EGLN3: variants seen among roughly 807,000 people sequenced by gnomAD.
The protein encoded by EGLN3 is prolyl hydroxylase EGLN3.
A neutral mutation model predicts 26.0 loss-of-function variants in EGLN3; 15 were observed. The observed-to-expected ratio is 0.58, with a 90% CI of 0.39 to 0.89. The LOEUF is 0.89. Ranked by LOEUF, EGLN3 falls within the 40% of genes least tolerant of loss-of-function variation. EGLN3 has a pLI of 0.00. For missense variants in EGLN3, 238 were observed against 311.6 expected (o/e 0.76, Z 1.78); for synonymous variants, 147 against 127.2 (o/e 1.16, Z -1.05).
rs117413493 is a variant in EGLN3 at position 33,935,289 on chromosome 14, T to A, written c.358-4074A>T. ...TGTTTGTCTTCCCCTCAACTGAAGC[T>A]GTAGAACGTCTCTTCTTCAGAGACC... On this transcript the variant is annotated intron_variant, in intron 1 of 4. Coordinates refer to ENST00000250457, the MANE Select transcript of EGLN3 (RefSeq NM_022073.4). Among the ~76,000 whole-genome samples the A allele has an allele frequency of 9.8e-5, 15 of 152,328 alleles. No homozygotes were observed. The East Asian group carries it at 2.7e-3, about 27-fold the overall frequency.
At chr14:33,948,038 T>C (rs975330009) in intron 1 of EGLN3, among the ~76,000 whole-genome samples, 1 of 149,996 alleles carries the variant, frequency 6.7e-6, no homozygotes, top group Non-Finnish European at 1.5e-5. Flanking sequence ...CTCAAAAAAA[T>C]AATAATAATA....
chr14:33,935,620 C>CACAT (rs1491565354), intron 1 of EGLN3, among the ~76,000 whole-genome samples: 1 of 74,662 alleles, frequency 1.3e-5, no homozygotes, highest in East Asian at 3.6e-4. Context: ...CACACACACA[C>CACAT]ATATATATAT....
intron 1 of EGLN3, among the ~76,000 whole-genome samples, chr14:33,939,720 A>G (rs2064469809): frequency 1.3e-5 from 2 of 152,158 alleles, no homozygotes; most frequent in South Asian, 4.1e-4. Context: ...GACCTCCTTC[A>G]CACTCCCTAA....
intron 3 of EGLN3, among the ~76,000 whole-genome samples, chr14:33,927,264 G>C (rs1401042076): frequency 5.3e-5 from 8 of 151,772 alleles, no homozygotes; most frequent in Non-Finnish European, 1.5e-5. Context: ...CACTTCCCAG[G>C]TTCAAGCGAT....
chr14:33,938,826 CCT>C (rs998997022), intron 1 of EGLN3, among the ~76,000 whole-genome samples: 5 of 152,276 alleles, frequency 3.3e-5, no homozygotes, highest in Non-Finnish European at 7.3e-5. Flanking sequence ...CAGTGTGTGC[CCT>C]GAGTCACACC....
chr14:33,934,576 C>T (rs1270378733), intron 1 of EGLN3, among the ~76,000 whole-genome samples: 2 of 151,866 alleles, frequency 1.3e-5, no homozygotes, highest in East Asian at 1.9e-4. Context: ...TGCCATCAAC[C>T]GCAGCTTGAC....
chr14:33,943,120 C>T (rs2064494589), intron 1 of EGLN3, among the ~76,000 whole-genome samples: 1 of 152,094 alleles, frequency 6.6e-6, no homozygotes, highest in African/African-American at 2.4e-5. Context: ...AATGTCATAC[C>T]GGTTTAAGAT....
At chr14:33,938,558 C>A (rs954676125) in intron 1 of EGLN3, among the ~76,000 whole-genome samples, 2 of 152,186 alleles carry the variant, frequency 1.3e-5, no homozygotes, top group African/African-American at 4.8e-5. Context: ...GAGCTGGGAA[C>A]GGACACTGGG....
chr14:33,927,704 A>G (rs1199772814), intron 3 of EGLN3, among the ~76,000 whole-genome samples: 1 of 152,230 alleles, frequency 6.6e-6, no homozygotes, highest in Non-Finnish European at 1.5e-5. Context: ...TCATTCTGCT[A>G]AAGACTGGGA....
chr14:33,945,109 T>G (rs1204133172), intron 1 of EGLN3, among the ~76,000 whole-genome samples: 1 of 152,166 alleles, frequency 6.6e-6, no homozygotes, highest in Non-Finnish European at 1.5e-5. Flanking sequence ...TAAGTTATTT[T>G]TAATACAAAA....
At chr14:33,940,846 C>G (rs1441115014) in intron 1 of EGLN3, among the ~76,000 whole-genome samples, 1 of 152,156 alleles carries the variant, frequency 6.6e-6, no homozygotes, top group South Asian at 2.1e-4. Context: ...GTGTCATTCC[C>G]GAAGCTGGCA....
chr14:33,925,654 T>C lies in EGLN3; in HGVS notation c.*237A>G, dbSNP rs1193302178. ...GGTAAACCGCTGGCCGAGTAGGATGTCTGCAGGAATTTCTGGAGTTAGCAA... is the reference window on the plus strand; with the variant it reads ...GGTAAACCGCTGGCCGAGTAGGATGCCTGCAGGAATTTCTGGAGTTAGCAA... On this transcript the variant is annotated 3_prime_UTR_variant, in exon 5 of 5. Transcript: ENST00000250457. 1.8e-6 allele frequency: 1 copy of C among 548,670 alleles called. No individual in the cohort carries two copies. Among genetic ancestry groups the C allele is most frequent in the African/African-American group, 1.9e-5 (1 of 52,684 alleles). 34.0% of individuals were successfully genotyped at this position (548,670 alleles called of 1,614,324 possible). A position where few individuals can be genotyped will look rare whatever the true frequency, so the allele number is the denominator to read the frequency against.
At chr14:33,935,265 G>A (rs1416556787) in intron 1 of EGLN3, among the ~76,000 whole-genome samples, 1 of 152,150 alleles carries the variant, frequency 6.6e-6, no homozygotes, top group Non-Finnish European at 1.5e-5. Context: ...GATGTGTTAT[G>A]TTTGTCTTCC....
chr14:33,931,898 T>C (rs1032015), intron 1 of EGLN3, among the ~76,000 whole-genome samples: 52,494 of 152,144 alleles, frequency 0.35, 9,938 homozygotes, highest in Non-Finnish European at 0.44. Flanking sequence ...TAATCTGAAG[T>C]TCTCTTTGTC....
intron 1 of EGLN3, among the ~76,000 whole-genome samples, chr14:33,942,271 C>T (rs2064488580): frequency 6.8e-6 from 1 of 146,916 alleles, no homozygotes; most frequent in South Asian, 2.2e-4. Flanking sequence ...GATTTTTCTA[C>T]TAAGAAAGGA....
At chr14:33,949,973 T>C (rs1223089112) in intron 1 of EGLN3, 4 of 348,168 alleles carry the variant, frequency 1.1e-5, no homozygotes, top group Non-Finnish European at 2.1e-5. Context: ...AAATCTCTTC[T>C]GACCACAATG....
intron 3 of EGLN3, 72 bp downstream of exon 3, chr14:33,929,004 G>C: frequency 6.4e-7 from 1 of 1,571,502 alleles, no homozygotes; most frequent in Non-Finnish European, 8.6e-7. Flanking sequence ...CAGGACACAC[G>C]TTTAAAGAGT....
intron 2 of EGLN3, 90 bp downstream of exon 2, chr14:33,931,006 A>G (rs1391581493): frequency 2.6e-6 from 4 of 1,544,748 alleles, no homozygotes; most frequent in African/African-American, 1.4e-5. Context: ...TACGGCAACT[A>G]TGAACTCAAT....
Position 33,925,913 on chromosome 14 carries a change from T to A in EGLN3, c.698A>T (p.Glu233Val). The stretch of plus-strand genomic sequence containing the variant: ...CGGTCAGTCTTCAGTGAGGGCAGAT[T>A]CAGTTTTCCCTGGGTTGGGGACAGA... ...KKFRNLTRKT[E>V]SALTED The change falls in exon 5 of 5, where the codon GAA becomes GTA. Residue 233 changes from glutamate (E) to valine (V), a missense_variant. By Grantham distance (121) the Glu-to-Val change is moderately radical (BLOSUM62 -2). Transcript: ENST00000250457. 6.2e-7 allele frequency: 1 copy of A among 1,610,412 alleles called. No individual in the cohort carries two copies. The highest frequency in any genetic ancestry group is 8.5e-7 in the Non-Finnish European group (1 of 1,178,246).
Sources: gnomAD v4.1 joint callset for allele counts (sites outside exome capture counted in the v4.1 genomes callset) on GRCh38, gnomAD v4.1.1 for gene constraint, MANE v1.5 for transcripts, NCBI Gene and HGNC (gene_info 2026-07-23, HGNC 2026-07-21) for gene names.